The following IBSP variants were observed in gnomAD, a reference collection of about 807,000 sequenced individuals.
IBSP encodes the protein integrin binding sialoprotein, also known as integrin-binding sialoprotein.
In IBSP, 19 loss-of-function variants were observed where a neutral mutation model predicts 25.5. The ratio of observed to expected loss-of-function variants is 0.74; its 90% CI spans 0.52 to 1.09. IBSP has a LOEUF of 1.09. IBSP is among the 50% of genes least tolerant of loss of function. IBSP has a pLI of 0.00. For missense variants in IBSP, 360 were observed against 382.3 expected (o/e 0.94, Z 0.49); for synonymous variants, 144 against 137.6 (o/e 1.05, Z -0.33).
intron 5 of IBSP, among the ~76,000 whole-genome samples, chr4:87,806,524 G>A (rs1200914356): frequency 6.6e-6 from 1 of 152,156 alleles, no homozygotes; most frequent in Non-Finnish European, 1.5e-5. Context: ...CTATTTAGGT[G>A]GATAGAACAT....
In IBSP at chr4:87,810,625, A is replaced by G. The variant is rs1303144724; in HGVS notation, c.266A>G (p.Glu89Gly). 1 of 1,612,572 alleles carries G rather than the reference A, an allele frequency of 6.2e-7. No homozygotes were observed. Among genetic ancestry groups the G allele is most frequent in the Admixed American group, 1.7e-5 (1 of 59,982 alleles). Residue 89 changes from glutamate (E) to glycine (G), a missense_variant, in exon 6 of 7, where the codon GAA (glutamate) becomes GGA (glycine). Transcript: ENST00000226284. ...TAACAGGAGACTTCAAATGAAGGAG[A>G]AAACAATGAAGAATCGAATGAAGAT... ...EEEEETSNEG[E>G]NNEESNEDED...
intron 4 of IBSP, 26 bp downstream of exon 4, chr4:87,802,757 C>A: frequency 7.2e-7 from 1 of 1,392,610 alleles, no homozygotes. Flanking sequence ...CATTTTTCTT[C>A]AGTTTAATTT....
At chr4:87,806,936 T>C (rs1449211272) in intron 5 of IBSP, among the ~76,000 whole-genome samples, 2 of 151,458 alleles carry the variant, frequency 1.3e-5, no homozygotes, top group East Asian at 1.9e-4. Flanking sequence ...ACCCGGAAGG[T>C]GGAGGTTGCA....
chr4:87,812,070 CTT>C lies in IBSP; in HGVS notation c.*161_*162del. On this transcript the variant is annotated 3_prime_UTR_variant, in exon 7 of 7. Coordinates refer to ENST00000226284, the MANE Select transcript of IBSP (RefSeq NM_004967.4). ...GTAATTGCTTCTGCAAAGTAATAGGCTTCTTGTCCCTTTTTTTTCTGGCATGT... is the reference window on the plus strand; with the variant it reads ...GTAATTGCTTCTGCAAAGTAATAGGCCTTGTCCCTTTTTTTTCTGGCATGT... 1 of 528,408 alleles carries C rather than the reference CTT, an allele frequency of 1.9e-6. No individual in the cohort carries two copies. 32.7% of individuals were successfully genotyped at this position (528,408 alleles called of 1,614,324 possible).
intron 1 of IBSP, among the ~76,000 whole-genome samples, chr4:87,802,081 A>G (rs561437777): frequency 6.6e-6 from 1 of 152,326 alleles, no homozygotes; most frequent in East Asian, 1.9e-4. Flanking sequence ...GCAGTAATGA[A>G]AAGGTCTTCC....
chr4:87,811,781 T>C lies in IBSP; in HGVS notation c.825T>C (p.Tyr275=). The C allele has an allele frequency of 1.2e-6, 2 of 1,613,616 alleles. No homozygotes were observed. Among genetic ancestry groups the C allele is most frequent in the East Asian group, 2.2e-5 (1 of 44,862 alleles). ...YTGANEYDNG[Y]EIYESENGEP... ...GCGCCAATGAATACGACAATGGATA[T>C]GAAATCTATGAAAGTGAGAACGGGG... Residue 275 remains tyrosine, a synonymous_variant, in exon 7 of 7, where the codon TAT becomes TAC. Coordinates refer to ENST00000226284, the MANE Select transcript of IBSP (RefSeq NM_004967.4).
chr4:87,806,229 G>T (rs916087669), intron 5 of IBSP, 45 bp downstream of exon 5: 1 of 1,457,032 alleles, frequency 6.9e-7, no homozygotes, highest in East Asian at 2.3e-5. Context: ...GACAGCACAA[G>T]AAACAAATAG....
At position 87,806,107 on chromosome 4, in the gene IBSP, T is replaced by C. The variant is rs1377979913; in HGVS notation, c.184-15T>C. The C allele has an allele frequency of 1.3e-6, 2 of 1,588,920 alleles. No individual in the cohort carries two copies. Among genetic ancestry groups the C allele is most frequent in the Admixed American group, 3.4e-5 (2 of 58,980 alleles). On this transcript the variant is annotated splice_polypyrimidine_tract_variant and intron_variant, in intron 4 of 6. Transcript: ENST00000226284. ...ACACAGATAAGAGTATACATACATG[T>C]GTATATATTTTTAGGGCAGTAGTGA...
chr4:87,802,247 AGAAAT>A, intron 1 of IBSP, 96 bp from the exon 2 acceptor site: 1 of 683,174 alleles, frequency 1.5e-6, no homozygotes, highest in East Asian at 2.8e-5. Context: ...ATAATTACAC[AGAAAT>A]GAAAACAAAT....
At chr4:87,799,728 T>C (rs1345633005) in intron 1 of IBSP, 95 bp downstream of exon 1, 3 of 152,204 alleles carry the variant, frequency 2.0e-5, no homozygotes, top group Non-Finnish European at 4.4e-5. Flanking sequence ...TTAAATGATG[T>C]TATTGCATTG....
chr4:87,801,016 T>C (rs145006924), intron 1 of IBSP, among the ~76,000 whole-genome samples: 6 of 152,274 alleles, frequency 3.9e-5, no homozygotes, highest in African/African-American at 1.4e-4. Context: ...CCAACTTCTA[T>C]TATGATATAA....
Position 87,811,355 on chromosome 4 carries a change from C to G in IBSP, c.406-7C>G, listed in dbSNP as rs1448577394. On this transcript the variant is annotated splice_region_variant and splice_polypyrimidine_tract_variant and intron_variant, in intron 6 of 6. Coordinates refer to ENST00000226284, the MANE Select transcript of IBSP (RefSeq NM_004967.4). ...AGATTTGGGTTCTTTCAAACGTTTC[C>G]TTACAGGCTGGGGATATAACAAATA... 6.3e-7 allele frequency: 1 copy of G among 1,586,734 alleles called. No homozygotes were observed. The highest frequency in any genetic ancestry group is 8.5e-7 in the Non-Finnish European group (1 of 1,170,628).
rs1257570209 is a variant in IBSP, at chr4:87,812,241, A to G, written c.*331A>G. 8 of 228,400 alleles carry G rather than the reference A, an allele frequency of 3.5e-5. No homozygotes were observed. The highest frequency in any genetic ancestry group is 4.2e-5 in the Non-Finnish European group (5 of 118,994). 14.1% of individuals were successfully genotyped at this position (228,400 alleles called of 1,614,324 possible). On this transcript the variant is annotated 3_prime_UTR_variant, in exon 7 of 7. Coordinates refer to ENST00000226284, the MANE Select transcript of IBSP (RefSeq NM_004967.4). The stretch of plus-strand genomic sequence containing the variant: ...GTAGTATTGCTAACTGCAAAAACAT[A>G]CTCTTTGTACAAGAAGTGCTTCTAA...
Position 87,812,014 on chromosome 4 carries a change from T to A in IBSP, c.*104T>A. The stretch of plus-strand genomic sequence containing the variant: ...AATATAACAAATGTGCATATTATAA[T>A]GAGGAATGGTACTACCGTTCCAGAT... On this transcript the variant is annotated 3_prime_UTR_variant, in exon 7 of 7. Coordinates refer to ENST00000226284, the MANE Select transcript of IBSP (RefSeq NM_004967.4). The A allele has an allele frequency of 1.1e-6, 1 of 876,538 alleles. No individual in the cohort carries two copies. The highest frequency in any genetic ancestry group is 1.7e-5 in the African/African-American group (1 of 59,070). 54.3% of individuals were successfully genotyped at this position (876,538 alleles called of 1,614,324 possible). A position where few individuals can be genotyped will look rare whatever the true frequency, so the allele number is the denominator to read the frequency against.
intron 6 of IBSP, among the ~76,000 whole-genome samples, chr4:87,811,133 C>G (rs1360292812): frequency 6.6e-6 from 1 of 152,088 alleles, no homozygotes; most frequent in Admixed American, 6.6e-5. Flanking sequence ...GACTCTCCCC[C>G]AGGAAAGGCA....
intron 4 of IBSP, among the ~76,000 whole-genome samples, chr4:87,805,446 TACTTCAC>T (rs1348785605): frequency 1.3e-5 from 2 of 152,206 alleles, no homozygotes; most frequent in East Asian, 3.8e-4. Flanking sequence ...ATAAGATTTT[TACTTCAC>T]ATGTATAAAT....
chr4:87,808,139 C>T (rs1215409361), intron 5 of IBSP, among the ~76,000 whole-genome samples: 2 of 151,864 alleles, frequency 1.3e-5, no homozygotes, highest in Non-Finnish European at 2.9e-5. Context: ...GGTGATCACA[C>T]ATTTCCTTTT....
rs552812914 is a variant in IBSP, at chr4:87,812,237, A to G, written c.*327A>G. The G allele has an allele frequency of 4.2e-6, 1 of 238,568 alleles. No individual in the cohort carries two copies. Among genetic ancestry groups the G allele is most frequent in the East Asian group, 8.5e-5 (1 of 11,752 alleles). 14.8% of individuals were successfully genotyped at this position (238,568 alleles called of 1,614,324 possible). ...GCCTGTAGTATTGCTAACTGCAAAA[A>G]CATACTCTTTGTACAAGAAGTGCTT... On this transcript the variant is annotated 3_prime_UTR_variant, in exon 7 of 7. Transcript: ENST00000226284.
At position 87,808,310 on chromosome 4, in the gene IBSP, T is replaced by G. The variant is rs538184073; in HGVS notation, c.246+2126T>G. 1.6e-4 allele frequency among the ~76,000 whole-genome samples: 24 copies of G among 152,122 alleles called. No homozygotes were observed. The South Asian group carries it at 4.8e-3, about 30-fold the overall frequency. ...CATTCTCCTGCCTCAGCCTCCCAAG[T>G]AGCTGGGACTACAGGCACCGGCCAC... On this transcript the variant is annotated intron_variant, in intron 5 of 6. Coordinates refer to ENST00000226284, the MANE Select transcript of IBSP (RefSeq NM_004967.4).
Sources: allele counts gnomAD v4.1 joint callset (sites outside exome capture counted in the v4.1 genomes callset), GRCh38; gene constraint gnomAD v4.1.1; transcripts MANE v1.5; gene names NCBI Gene and HGNC (gene_info 2026-07-23, HGNC 2026-07-21).